The following WIPF3 variants were observed in gnomAD, a reference collection of about 807,000 sequenced individuals.
The protein encoded by WIPF3 is WAS/WASL interacting protein family member 3.
Under a neutral mutation model 38.9 loss-of-function variants are expected in WIPF3, and 33 were observed. That is an observed-to-expected ratio of 0.85 (90% CI 0.64 to 1.14). The LOEUF (loss-of-function observed/expected upper bound fraction) is 1.14. WIPF3 is among the 50% of genes most tolerant of loss of function. WIPF3 has a pLI of 0.00. For synonymous variants in WIPF3, 324 were observed against 269.3 expected, an observed-to-expected ratio of 1.20 and a Z score of -1.99; for missense variants, 711 against 652.5, an observed-to-expected ratio of 1.09 and a Z score of -0.98.
chr7:29,850,823 G>A (rs1225176672), intron 2 of WIPF3, among the ~76,000 whole-genome samples: 2 of 151,918 alleles, frequency 1.3e-5, no homozygotes, highest in African/African-American at 2.4e-5. Context: ...GAAAGAAAAG[G>A]CCACAGGCCT....
intron 2 of WIPF3, among the ~76,000 whole-genome samples, chr7:29,872,522 A>G (rs920914986): frequency 2.6e-5 from 4 of 152,154 alleles, no homozygotes; most frequent in Admixed American, 1.3e-4. Context: ...GGCCGGGCAC[A>G]GTGGCTTACG....
intron 8 of WIPF3, among the ~76,000 whole-genome samples, chr7:29,911,767 G>T (rs1449082038): frequency 6.6e-6 from 1 of 152,090 alleles, no homozygotes; most frequent in Non-Finnish European, 1.5e-5. Flanking sequence ...CTAATATCAT[G>T]TACAAAAATT....
rs1460521001 is a variant in WIPF3, at chr7:29,915,197, C to A, written c.*681C>A. On this transcript the variant is annotated 3_prime_UTR_variant, in exon 9 of 9. Coordinates refer to ENST00000242140, the MANE Select transcript of WIPF3 (RefSeq NM_001080529.3). ...AGGGCCCCTTTTGTAACTGAATAAT[C>A]CTCCAAGTAGCCAGTGCTCCTACTG... 2 of 144,060 alleles carry A rather than the reference C, an allele frequency of 1.4e-5. No individual in the cohort carries two copies. The highest frequency in any genetic ancestry group is 3.1e-5 in the Non-Finnish European group (2 of 65,354). 8.9% of individuals were successfully genotyped at this position (144,060 alleles called of 1,614,324 possible).
chr7:29,889,338 G>A lies in WIPF3; in HGVS notation c.1282G>A (p.Val428Met). The A allele has an allele frequency of 6.2e-7, 1 of 1,613,904 alleles. No homozygotes were observed. The highest frequency in any genetic ancestry group is 8.5e-7 in the Non-Finnish European group (1 of 1,179,864). Reference protein sequence around the residue: ...DFESKFTFHSVEDFPPPDEYK... With the variant: ...DFESKFTFHSMEDFPPPDEYK... ...CGAGTCTAAATTCACGTTCCATTCT[G>A]TGGAAGACTTTCCCCCTCCGGATGA... is the stretch of plus-strand genomic sequence containing the variant. The change falls in exon 7 of 9, where the codon GTG becomes ATG. Residue 428 changes from valine (V) to methionine (M), a missense_variant. Val to Met is a conservative substitution (Grantham distance 21). Transcript: ENST00000242140.
chr7:29,873,364 CA>C (rs1785532002), intron 2 of WIPF3, among the ~76,000 whole-genome samples: 1 of 152,176 alleles, frequency 6.6e-6, no homozygotes, highest in Non-Finnish European at 1.5e-5. Flanking sequence ...AGGAAAATTA[CA>C]AAGCACGCTT....
At position 29,884,272 on chromosome 7, in the gene WIPF3, A is replaced by ACCCCCCCCCC; in HGVS notation, c.778_779insCCCCCCCCCC (p.Ile260ThrfsTer61). 1 of 268,998 alleles carries ACCCCCCCCCC rather than the reference A, an allele frequency of 3.7e-6. No homozygotes were observed. Among genetic ancestry groups the ACCCCCCCCCC allele is most frequent in the Non-Finnish European group, 5.6e-6 (1 of 179,490 alleles). The allele number at this position is 268,998 out of a possible 1,614,324, so 16.7% of individuals were successfully genotyped here. A position where few individuals can be genotyped will look rare whatever the true frequency, so the allele number is the denominator to read the frequency against. ...GCTGGCTCCCTTGCACCTCCCGCCC[A>ACCCCCCCCCC]TCCCGCCCCCGCTCCCTCTGCTCCC... On this transcript the variant is annotated frameshift_variant, in exon 5 of 9. Coordinates refer to ENST00000242140, the MANE Select transcript of WIPF3 (RefSeq NM_001080529.3). LOFTEE classifies it high-confidence loss of function.
chr7:29,881,519 T>G (rs936359753), intron 4 of WIPF3, among the ~76,000 whole-genome samples: 2 of 152,212 alleles, frequency 1.3e-5, no homozygotes, highest in Non-Finnish European at 2.9e-5. Context: ...TATGACCTTT[T>G]AGGATCAAAG....
intron 1 of WIPF3, among the ~76,000 whole-genome samples, chr7:29,821,997 A>C (rs1371661660): frequency 6.6e-6 from 1 of 152,028 alleles, no homozygotes; most frequent in East Asian, 1.9e-4. Flanking sequence ...TATTTCATTA[A>C]ATCCTTTAAG....
intron 1 of WIPF3, among the ~76,000 whole-genome samples, chr7:29,809,137 A>G (rs1784332997): frequency 6.6e-6 from 1 of 152,246 alleles, no homozygotes; most frequent in Non-Finnish European, 1.5e-5. Context: ...CCTTAAATCT[A>G]CGGAGAAATC....
intron 3 of WIPF3, 79 bp downstream of exon 3, chr7:29,876,041 T>C: frequency 6.4e-7 from 1 of 1,559,290 alleles, no homozygotes; most frequent in Non-Finnish European, 8.7e-7. Context: ...CACCCCTGGC[T>C]GGGGCCACAG....
At position 29,889,287 on chromosome 7, in the gene WIPF3, C is replaced by T. The variant is rs1464103540; in HGVS notation, c.1250-19C>T. On this transcript the variant is annotated intron_variant, in intron 6 of 8. Transcript: ENST00000242140. ...ATGACAGTAACCTGAGTAACTCTTTCCATTTCGCTTGTGTGCAGATGACTT... is the reference window on the plus strand; with the variant it reads ...ATGACAGTAACCTGAGTAACTCTTTTCATTTCGCTTGTGTGCAGATGACTT... The T allele has an allele frequency of 1.9e-6, 3 of 1,601,960 alleles. No individual in the cohort carries two copies. Among genetic ancestry groups the T allele is most frequent in the Admixed American group, 1.7e-5 (1 of 59,912 alleles).
At chr7:29,890,570 A>G (rs367692354) in intron 7 of WIPF3, among the ~76,000 whole-genome samples, 1 of 152,194 alleles carries the variant, frequency 6.6e-6, no homozygotes, top group East Asian at 1.9e-4. Flanking sequence ...GCCTAAGACC[A>G]GGAATCGTGA....
chr7:29,899,870 T>G (rs973998733), intron 7 of WIPF3, among the ~76,000 whole-genome samples: 2 of 152,198 alleles, frequency 1.3e-5, no homozygotes, highest in Admixed American at 1.3e-4. Context: ...GTTGATCAAA[T>G]AGAAGAGAGA....
At chr7:29,818,679 T>C (rs1165977953) in intron 1 of WIPF3, among the ~76,000 whole-genome samples, 2 of 151,878 alleles carry the variant, frequency 1.3e-5, no homozygotes, top group African/African-American at 4.8e-5. Context: ...TTTTCAACTA[T>C]TATACAATTT....
At position 29,884,264 on chromosome 7, in the gene WIPF3, T is replaced by TGGGCCC; in HGVS notation, c.770_771insGGGCCC (p.Leu257_Pro258insGlyPro). 2 of 1,315,278 alleles carry TGGGCCC rather than the reference T, an allele frequency of 1.5e-6. No individual in the cohort carries two copies. The highest frequency in any genetic ancestry group is 2.0e-6 in the Non-Finnish European group (2 of 992,704). The allele number at this position is 1,315,278 out of a possible 1,614,324, so 81.5% of individuals were successfully genotyped here. ...AAGCCTCAGCTGGCTCCCTTGCACC[T>TGGGCCC]CCCGCCCATCCCGCCCCCGCTCCCT... On this transcript the variant is annotated inframe_insertion, in exon 5 of 9. Coordinates refer to ENST00000242140, the MANE Select transcript of WIPF3 (RefSeq NM_001080529.3).
intron 2 of WIPF3, among the ~76,000 whole-genome samples, chr7:29,874,172 A>G (rs1785545910): frequency 6.6e-6 from 1 of 151,884 alleles, no homozygotes; most frequent in South Asian, 2.1e-4. Flanking sequence ...GTGCATGCGT[A>G]TGCCCTTAAG....
intron 7 of WIPF3, among the ~76,000 whole-genome samples, chr7:29,892,787 G>A (rs1162252826): frequency 2.0e-5 from 3 of 152,214 alleles, no homozygotes; most frequent in Non-Finnish European, 4.4e-5. Flanking sequence ...ACCAGGGTCA[G>A]GGAACCTGTT....
intron 1 of WIPF3, among the ~76,000 whole-genome samples, chr7:29,811,365 G>A (rs183884633): frequency 2.0e-5 from 3 of 152,126 alleles, no homozygotes; most frequent in East Asian, 3.9e-4. Context: ...TACAAAAATA[G>A]CAAACAACAT....
intron 2 of WIPF3, among the ~76,000 whole-genome samples, chr7:29,873,533 A>G (rs1324349593): frequency 1.3e-5 from 2 of 152,210 alleles, no homozygotes; most frequent in African/African-American, 2.4e-5. Flanking sequence ...AACTTTAAAA[A>G]TCTTAAAATT....
Sources: allele counts gnomAD v4.1 joint callset (sites outside exome capture counted in the v4.1 genomes callset), GRCh38; gene constraint gnomAD v4.1.1; transcripts MANE v1.5; gene names NCBI Gene and HGNC (gene_info 2026-07-23, HGNC 2026-07-21).